The following PPP2R5E variants were observed in gnomAD, a reference collection of about 807,000 sequenced individuals.
PPP2R5E encodes protein phosphatase 2 regulatory subunit B'epsilon.
PPP2R5E carries 4 observed loss-of-function variants against 65.3 expected under a neutral mutation model. The ratio of observed to expected loss-of-function variants is 0.06; its 90% CI spans 0.03 to 0.14. The LOEUF (loss-of-function observed/expected upper bound fraction) is 0.14, where lower values mean the gene tolerates loss of function less well. PPP2R5E is among the 10% of genes least tolerant of loss of function. The pLI is 1.00. For synonymous variants in PPP2R5E, 183 were observed against 187.4 expected (o/e 0.98, Z 0.19); for missense variants, 274 against 556.1 (o/e 0.49, Z 5.10).
chr14:63,415,055 A>T, intron 5 of PPP2R5E, 85 bp downstream of exon 5: 1 of 977,910 alleles, frequency 1.0e-6, no homozygotes, highest in Non-Finnish European at 1.6e-6. Flanking sequence ...CTGTCATTGC[A>T]AAACTTTTTT....
chr14:63,420,698 A>T (rs1340860010), intron 4 of PPP2R5E, among the ~76,000 whole-genome samples: 2 of 152,194 alleles, frequency 1.3e-5, no homozygotes, highest in East Asian at 3.8e-4. Flanking sequence ...GTAGGGGGGA[A>T]AAACTCTTAG....
chr14:63,499,043 A>T (rs1594943712), intron 2 of PPP2R5E, among the ~76,000 whole-genome samples: 2 of 152,222 alleles, frequency 1.3e-5, no homozygotes, highest in East Asian at 1.9e-4. Context: ...AAAATCATTT[A>T]TATATGCACG....
At chr14:63,447,609 C>T (rs938257453) in intron 3 of PPP2R5E, among the ~76,000 whole-genome samples, 3 of 152,234 alleles carry the variant, frequency 2.0e-5, no homozygotes, top group African/African-American at 7.2e-5. Flanking sequence ...GTTTTACTTT[C>T]TTATCATTCA....
At chr14:63,500,549 T>C (rs1003770915) in intron 2 of PPP2R5E, among the ~76,000 whole-genome samples, 6 of 152,238 alleles carry the variant, frequency 3.9e-5, no homozygotes, top group African/African-American at 9.6e-5. Context: ...AATACCAATA[T>C]GGAAGACCAT....
intron 12 of PPP2R5E, among the ~76,000 whole-genome samples, chr14:63,383,381 T>C (rs1884480509): frequency 6.6e-6 from 1 of 152,234 alleles, no homozygotes; most frequent in African/African-American, 2.4e-5. Flanking sequence ...CCTTGTGCCA[T>C]TAAAAGGAAA....
chr14:63,426,823 A>C (rs1349311337), intron 3 of PPP2R5E, among the ~76,000 whole-genome samples: 1 of 152,144 alleles, frequency 6.6e-6, no homozygotes, highest in Non-Finnish European at 1.5e-5. Flanking sequence ...CTCCAAAATC[A>C]TAAATTTAAA....
chr14:63,412,221 CTG>C (rs1296228895), intron 5 of PPP2R5E, among the ~76,000 whole-genome samples: 3 of 152,292 alleles, frequency 2.0e-5, no homozygotes, highest in African/African-American at 7.2e-5. Flanking sequence ...ACTTGGAAGA[CTG>C]AGATGGATCA....
chr14:63,441,153 C>T (rs1273063449), intron 3 of PPP2R5E, among the ~76,000 whole-genome samples: 1 of 152,074 alleles, frequency 6.6e-6, no homozygotes, highest in Non-Finnish European at 1.5e-5. Flanking sequence ...TATATTGTTC[C>T]TGCAGATTTT....
chr14:63,420,444 C>T (rs1886941123), intron 4 of PPP2R5E, among the ~76,000 whole-genome samples: 2 of 150,582 alleles, frequency 1.3e-5, no homozygotes, highest in Non-Finnish European at 3.0e-5. Context: ...ATGTCTGGGA[C>T]CTTAAAAAAA....
At chr14:63,537,206 T>TA (rs1893698407) in intron 2 of PPP2R5E, among the ~76,000 whole-genome samples, 1 of 151,468 alleles carries the variant, frequency 6.6e-6, no homozygotes, top group South Asian at 2.1e-4. Flanking sequence ...TCCAAGAAAT[T>TA]AGTGTAAGTT....
At chr14:63,460,915 ACACACAGTGATAAATG>A (rs1332847651) in intron 2 of PPP2R5E, among the ~76,000 whole-genome samples, 1 of 152,228 alleles carries the variant, frequency 6.6e-6, no homozygotes, top group Non-Finnish European at 1.5e-5. Flanking sequence ...CTGATAAATG[ACACACAGTGATAAATG>A]CACACAGTGA....
chr14:63,426,341 C>T (rs552199066), intron 3 of PPP2R5E, among the ~76,000 whole-genome samples: 3 of 151,762 alleles, frequency 2.0e-5, no homozygotes, highest in East Asian at 3.9e-4. Flanking sequence ...CCTTTATGTC[C>T]GGCATCAGAG....
chr14:63,426,743 CAG>C (rs1887362492), intron 3 of PPP2R5E, among the ~76,000 whole-genome samples: 2 of 148,626 alleles, frequency 1.3e-5, no homozygotes, highest in South Asian at 4.3e-4. Flanking sequence ...CCCACAATAC[CAG>C]AGAGCTTGGC....
At chr14:63,416,780 AAT>A (rs1186161605) in intron 4 of PPP2R5E, among the ~76,000 whole-genome samples, 2 of 152,102 alleles carry the variant, frequency 1.3e-5, no homozygotes, top group African/African-American at 4.8e-5. Context: ...TAGTTTTATA[AAT>A]CTCTTTAATA....
intron 3 of PPP2R5E, among the ~76,000 whole-genome samples, chr14:63,442,610 C>T (rs1461761922): frequency 6.6e-6 from 1 of 152,064 alleles, no homozygotes; most frequent in South Asian, 2.1e-4. Flanking sequence ...AAGAGGGAGA[C>T]CACATTTACG....
chr14:63,394,068 TCC>T (rs904148819), intron 7 of PPP2R5E, 140 bp from the exon 8 acceptor site: 4 of 386,978 alleles, frequency 1.0e-5, no homozygotes, highest in Non-Finnish European at 1.9e-5. Flanking sequence ...ATTCAGAATT[TCC>T]TTTTTTTTTT....
intron 2 of PPP2R5E, among the ~76,000 whole-genome samples, chr14:63,538,107 C>T (rs1893746605): frequency 1.3e-5 from 2 of 152,120 alleles, no homozygotes; most frequent in Non-Finnish European, 2.9e-5. Context: ...CATGGCAAAA[C>T]TCCATCTCTA....
intron 2 of PPP2R5E, among the ~76,000 whole-genome samples, chr14:63,536,642 T>C (rs1322314736): frequency 1.3e-5 from 2 of 152,194 alleles, no homozygotes; most frequent in Non-Finnish European, 2.9e-5. Flanking sequence ...AATGAATTAA[T>C]GGATTAAAAA....
intron 13 of PPP2R5E, among the ~76,000 whole-genome samples, chr14:63,379,438 A>G (rs994972100): frequency 2.0e-5 from 3 of 152,026 alleles, no homozygotes; most frequent in Non-Finnish European, 4.4e-5. Context: ...CGCCCGGCTA[A>G]TTTTGTATTT....
Sources: gnomAD v4.1 joint callset for allele counts (sites outside exome capture counted in the v4.1 genomes callset) on GRCh38, gnomAD v4.1.1 for gene constraint, MANE v1.5 for transcripts, NCBI Gene and HGNC (gene_info 2026-07-23, HGNC 2026-07-21) for gene names.